Variants in NTRK2 observed in about 807,000 individuals in gnomAD.
NTRK2 encodes the protein neurotrophic receptor tyrosine kinase 2.
Under a neutral mutation model 94.5 loss-of-function variants are expected in NTRK2, and 13 were observed. The ratio of observed to expected loss-of-function variants is 0.14; its 90% CI spans 0.09 to 0.22. The LOEUF (loss-of-function observed/expected upper bound fraction) is 0.22. NTRK2 is among the 10% of genes least tolerant of loss of function. The probability of loss-of-function intolerance (pLI) is 1.00; values close to 1 mark genes in which losing one functional copy is unlikely to be tolerated. For synonymous variants in NTRK2, 372 were observed against 407.4 expected, an observed-to-expected ratio of 0.91 and a Z score of 1.05; for missense variants, 639 against 1,071.2, an observed-to-expected ratio of 0.60 and a Z score of 5.63.
At chr9:84,997,185 A>G (rs1829849261) in intron 17 of NTRK2, among the ~76,000 whole-genome samples, 1 of 152,168 alleles carries the variant, frequency 6.6e-6, no homozygotes, top group African/African-American at 2.4e-5. Flanking sequence ...CCAGACAGGT[A>G]GGTATAGGGT....
chr9:84,757,015 A>G (rs2065143026), intron 12 of NTRK2, among the ~76,000 whole-genome samples: 1 of 152,248 alleles, frequency 6.6e-6, no homozygotes, highest in Non-Finnish European at 1.5e-5. Context: ...GCTGAAAACA[A>G]TTCTGGGAAA....
chr9:84,992,869 TG>T (rs1766831789), intron 17 of NTRK2, among the ~76,000 whole-genome samples: 1 of 151,114 alleles, frequency 6.6e-6, no homozygotes, highest in Admixed American at 6.6e-5. Flanking sequence ...TGGCAACTAC[TG>T]TGAGTCTGTT....
intron 14 of NTRK2, among the ~76,000 whole-genome samples, chr9:84,868,466 G>A (rs1297928817): frequency 2.0e-5 from 3 of 152,158 alleles, no homozygotes; most frequent in Admixed American, 2.0e-4. Context: ...CCCAAGGCAT[G>A]TTTAAGGTTG....
At chr9:84,772,357 C>T (rs1045373352) in intron 12 of NTRK2, among the ~76,000 whole-genome samples, 1 of 152,040 alleles carries the variant, frequency 6.6e-6, no homozygotes, top group African/African-American at 2.4e-5. Flanking sequence ...TGGGTTCAAG[C>T]AATTTTTGTG....
At chr9:84,848,666 C>T (rs1000687008) in intron 12 of NTRK2, among the ~76,000 whole-genome samples, 4 of 152,182 alleles carry the variant, frequency 2.6e-5, no homozygotes, top group East Asian at 1.9e-4. Context: ...GACCCTCTGA[C>T]GTTTTGAATT....
chr9:84,781,347 GTA>G (rs1315207822), intron 12 of NTRK2, among the ~76,000 whole-genome samples: 1 of 152,084 alleles, frequency 6.6e-6, no homozygotes, highest in Non-Finnish European at 1.5e-5. Context: ...GTGTTTTTAT[GTA>G]TATGTTTTGT....
At chr9:84,986,759 G>T (rs1302280868) in intron 17 of NTRK2, among the ~76,000 whole-genome samples, 1 of 152,256 alleles carries the variant, frequency 6.6e-6, no homozygotes, top group African/African-American at 2.4e-5. Context: ...TAGAGAGAAT[G>T]TAAGGGAGAC....
chr9:84,873,540 T>A, intron 14 of NTRK2: 1 of 1,052,312 alleles, frequency 9.5e-7, no homozygotes, highest in Non-Finnish European at 1.1e-6. Flanking sequence ...TGATATCATA[T>A]TCCCTTTTCA....
At position 85,001,556 on chromosome 9, in the gene NTRK2, C is replaced by T. The variant is rs562645672; in HGVS notation, c.2173-18650C>T. Among the ~76,000 whole-genome samples the T allele has an allele frequency of 7.1e-3, 489 of 68,884 alleles. 1 individual carries two copies. Among genetic ancestry groups the T allele is most frequent in the Non-Finnish European group, 0.012 (399 of 32,350 alleles). 45.2% of individuals were successfully genotyped at this position (68,884 alleles called of 152,430 possible). A position where few individuals can be genotyped will look rare whatever the true frequency, so the allele number is the denominator to read the frequency against. On this transcript the variant is annotated intron_variant, in intron 17 of 18. Coordinates refer to ENST00000277120, the MANE Select transcript of NTRK2 (RefSeq NM_006180.6). ...ATCCCCAATCTTTATGAGGAATTCT[C>T]TTGAAGCCCTTATTTGGTTTCAGGT...
intron 14 of NTRK2, chr9:84,875,347 C>T: frequency 9.4e-7 from 1 of 1,060,574 alleles, no homozygotes; most frequent in Non-Finnish European, 1.1e-6. Flanking sequence ...CCACGTCAGA[C>T]TCTCATATGG....
chr9:84,692,629 G>A (rs1229139653), intron 2 of NTRK2, among the ~76,000 whole-genome samples: 1 of 151,560 alleles, frequency 6.6e-6, no homozygotes, highest in Non-Finnish European at 1.5e-5. Flanking sequence ...CTACCCACCT[G>A]GCTAATTTTG....
chr9:84,825,416 A>C (rs2131612841), intron 12 of NTRK2, among the ~76,000 whole-genome samples: 1 of 151,994 alleles, frequency 6.6e-6, no homozygotes, highest in South Asian at 2.1e-4. Flanking sequence ...ATGCTTCCCC[A>C]CCCACCACCT....
At chr9:84,863,207 CT>C (rs2075414155) in intron 13 of NTRK2, among the ~76,000 whole-genome samples, 2 of 152,170 alleles carry the variant, frequency 1.3e-5, no homozygotes, top group African/African-American at 4.8e-5. Flanking sequence ...GAGAAGAAAA[CT>C]CCCCCAGATG....
chr9:84,967,397 G>A (rs1825682176), intron 17 of NTRK2, among the ~76,000 whole-genome samples: 1 of 152,252 alleles, frequency 6.6e-6, no homozygotes, highest in South Asian at 2.1e-4. Context: ...CCCTACGCAG[G>A]AAATGCAAGA....
intron 12 of NTRK2, among the ~76,000 whole-genome samples, chr9:84,781,992 T>C (rs2067618508): frequency 6.6e-6 from 1 of 151,848 alleles, no homozygotes. Context: ...TAAATAGTTG[T>C]ATAAGAGAGA....
intron 17 of NTRK2, among the ~76,000 whole-genome samples, chr9:84,963,994 A>C (rs533086748): frequency 1.1e-3 from 164 of 152,296 alleles, no homozygotes; most frequent in African/African-American, 3.2e-3. Flanking sequence ...AAGCATATGG[A>C]ATATTGTCAT....
chr9:84,705,512 T>C (rs953666405), intron 4 of NTRK2, among the ~76,000 whole-genome samples: 2 of 152,196 alleles, frequency 1.3e-5, no homozygotes, highest in Non-Finnish European at 1.5e-5. Flanking sequence ...AACCCCGCTC[T>C]TTGCGGTGCT....
rs114010501 is a variant in NTRK2, at chr9:84,829,439, C to G, written c.1397-31601C>G. Among the ~76,000 whole-genome samples the G allele has an allele frequency of 3.1e-3, 475 of 152,324 alleles. 3 individuals carry two copies. Among genetic ancestry groups the G allele is most frequent in the African/African-American group, 0.01 (434 of 41,572 alleles). ...AAGCACATCTGAGGGCAGGTTCACT[C>G]TATGGACTCCTAGATTTGGTTTCTG... On this transcript the variant is annotated intron_variant, in intron 12 of 18. Coordinates refer to ENST00000277120, the MANE Select transcript of NTRK2 (RefSeq NM_006180.6).
At chr9:84,675,323 C>CTTTTTTTTTTTTTTTTTT (rs1564023863) in intron 2 of NTRK2, among the ~76,000 whole-genome samples, 1 of 69,560 alleles carries the variant, frequency 1.4e-5, no homozygotes, top group Admixed American at 1.8e-4. Flanking sequence ...TTCTTTCTTT[C>CTTTTTTTTTTTTTTTTTT]CTTTTTTTTT....
Sources: allele counts gnomAD v4.1 joint callset (sites outside exome capture counted in the v4.1 genomes callset), GRCh38; gene constraint gnomAD v4.1.1; transcripts MANE v1.5; gene names NCBI Gene and HGNC (gene_info 2026-07-23, HGNC 2026-07-21).